Variants in NELL1 observed in about 807,000 individuals in gnomAD.
NELL1 encodes the protein neural EGFL like 1.
A neutral mutation model predicts 107.4 loss-of-function variants in NELL1; 76 were observed. The observed-to-expected ratio is 0.71, with a 90% CI of 0.59 to 0.86. NELL1 has a LOEUF of 0.86. NELL1 is among the 40% of genes least tolerant of loss of function. The pLI, the probability that NELL1 is intolerant of heterozygous loss-of-function variation, is 0.00. For synonymous variants in NELL1, 353 were observed against 341.2 expected, an observed-to-expected ratio of 1.03 and a Z score of -0.38; for missense variants, 1,024 against 1,005.5, an observed-to-expected ratio of 1.02 and a Z score of -0.25.
intron 15 of NELL1, among the ~76,000 whole-genome samples, chr11:21,446,402 G>A (rs1853429960): frequency 6.6e-6 from 1 of 151,638 alleles, no homozygotes; most frequent in African/African-American, 2.4e-5. Flanking sequence ...TGCTGTGTGT[G>A]TTCATCAGTG....
At chr11:20,987,997 C>T (rs1482324973) in intron 12 of NELL1, among the ~76,000 whole-genome samples, 21 of 152,116 alleles carry the variant, frequency 1.4e-4, no homozygotes, top group Non-Finnish European at 1.5e-5. Flanking sequence ...TTGGGATTTT[C>T]CTGTGTTTAC....
At chr11:20,891,689 C>T (rs1167203532) in intron 5 of NELL1, among the ~76,000 whole-genome samples, 1 of 151,220 alleles carries the variant, frequency 6.6e-6, no homozygotes, top group Non-Finnish European at 1.5e-5. Context: ...AAATGGAAGG[C>T]AAAAAAAGGC....
chr11:20,739,138 C>G (rs1855829263), intron 2 of NELL1, among the ~76,000 whole-genome samples: 1 of 152,258 alleles, frequency 6.6e-6, no homozygotes, highest in African/African-American at 2.4e-5. Context: ...GACAGCACAG[C>G]TGTCCTTGTA....
At chr11:21,082,665 A>AT (rs977846216) in intron 12 of NELL1, among the ~76,000 whole-genome samples, 1 of 151,988 alleles carries the variant, frequency 6.6e-6, no homozygotes, top group African/African-American at 2.4e-5. Context: ...TTCCTATGCT[A>AT]TTTTTTCTCA....
chr11:21,414,077 C>A (rs1852443095), intron 15 of NELL1, among the ~76,000 whole-genome samples: 1 of 152,036 alleles, frequency 6.6e-6, no homozygotes. Flanking sequence ...GAAAGGAATT[C>A]ATGAACTTGA....
intron 12 of NELL1, among the ~76,000 whole-genome samples, chr11:21,003,518 A>G (rs7934613): frequency 0.25 from 38,306 of 152,056 alleles, 6,266 homozygotes; most frequent in African/African-American, 0.46. Flanking sequence ...TGGTACAGAG[A>G]CAAAAGCTTG....
At chr11:21,358,020 T>A (rs1472335699) in intron 14 of NELL1, among the ~76,000 whole-genome samples, 1 of 152,192 alleles carries the variant, frequency 6.6e-6, no homozygotes, top group Admixed American at 6.5e-5. Context: ...ATTTTTATAC[T>A]AGTATCACGC....
chr11:21,270,689 C>G (rs1029848233), intron 14 of NELL1, among the ~76,000 whole-genome samples: 1 of 152,126 alleles, frequency 6.6e-6, no homozygotes, highest in African/African-American at 2.4e-5. Flanking sequence ...TAATTGACAT[C>G]TATGAACTAC....
intron 14 of NELL1, among the ~76,000 whole-genome samples, chr11:21,282,468 G>A (rs1334263311): frequency 3.2e-5 from 4 of 123,418 alleles, no homozygotes; most frequent in African/African-American, 1.3e-4. Flanking sequence ...AACACAGTGA[G>A]ACTCTGTCTC....
intron 3 of NELL1, among the ~76,000 whole-genome samples, chr11:20,792,170 G>A (rs1427648293): frequency 6.6e-6 from 1 of 151,878 alleles, no homozygotes; most frequent in Non-Finnish European, 1.5e-5. Context: ...GCTAACATTT[G>A]CTGATTGCAT....
At chr11:21,149,199 A>G (rs1304094902) in intron 13 of NELL1, among the ~76,000 whole-genome samples, 1 of 152,194 alleles carries the variant, frequency 6.6e-6, no homozygotes, top group Non-Finnish European at 1.5e-5. Context: ...TCTTAAATCT[A>G]TATCTTAGTA....
intron 15 of NELL1, among the ~76,000 whole-genome samples, chr11:21,507,860 A>C (rs1194230316): frequency 6.6e-6 from 1 of 151,218 alleles, no homozygotes; most frequent in Non-Finnish European, 1.5e-5. Context: ...AGCTCAGTGC[A>C]ACCTCTACCT....
intron 15 of NELL1, among the ~76,000 whole-genome samples, chr11:21,462,651 A>G (rs974565018): frequency 6.6e-6 from 1 of 152,220 alleles, no homozygotes; most frequent in South Asian, 2.1e-4. Flanking sequence ...CTGGCCTCAT[A>G]CAGGTTTCTC....
At chr11:21,291,642 G>A (rs57841880) in intron 14 of NELL1, among the ~76,000 whole-genome samples, 4,507 of 152,106 alleles carry the variant, frequency 0.03, 235 homozygotes, top group African/African-American at 0.1. Context: ...TTTCATGCCA[G>A]TATTCCCTGA....
intron 18 of NELL1, among the ~76,000 whole-genome samples, chr11:21,572,128 A>G (rs1326220795): frequency 1.3e-5 from 2 of 151,854 alleles, no homozygotes; most frequent in African/African-American, 4.8e-5. Context: ...ACAACTGTAG[A>G]ATTAGTTTCC....
intron 15 of NELL1, among the ~76,000 whole-genome samples, chr11:21,408,755 A>G (rs951528361): frequency 6.6e-6 from 1 of 151,980 alleles, no homozygotes; most frequent in African/African-American, 2.4e-5. Context: ...GCCTATGTCC[A>G]AAAAAGTGGG....
intron 14 of NELL1, among the ~76,000 whole-genome samples, chr11:21,258,886 C>T (rs1244696959): frequency 2.6e-5 from 4 of 151,772 alleles, no homozygotes; most frequent in Non-Finnish European, 5.9e-5. Flanking sequence ...AAATGGTAGC[C>T]ATAATTATTA....
chr11:21,059,504 T>G (rs1853687858), intron 12 of NELL1, among the ~76,000 whole-genome samples: 2 of 152,144 alleles, frequency 1.3e-5, no homozygotes, highest in African/African-American at 4.8e-5. Context: ...CCAAAAGGCA[T>G]CCCAATAAGA....
In NELL1 at chr11:21,109,191, GC is replaced by G. The variant is rs1259702634; in HGVS notation, c.1301-4397del. Reference sequence around the variant, plus strand: ...TGAGATGCTCCATATAAAGTATCTAGCATAGTGTCTGATACCTAAAAAACAG... The same window carrying G: ...TGAGATGCTCCATATAAAGTATCTAGATAGTGTCTGATACCTAAAAAACAG... On this transcript the variant is annotated intron_variant, in intron 12 of 19. Coordinates refer to ENST00000357134, the MANE Select transcript of NELL1 (RefSeq NM_006157.5). Among the ~76,000 whole-genome samples, 3 of 152,062 alleles carry G rather than the reference GC, an allele frequency of 2.0e-5. No homozygotes were observed. In the South Asian group the frequency reaches 6.2e-4, roughly 32 times the overall value.
Sources: gnomAD v4.1 joint callset for allele counts (sites outside exome capture counted in the v4.1 genomes callset) on GRCh38, gnomAD v4.1.1 for gene constraint, MANE v1.5 for transcripts, NCBI Gene and HGNC (gene_info 2026-07-23, HGNC 2026-07-21) for gene names.